BSN: variants seen among roughly 807,000 people sequenced by gnomAD.
BSN encodes protein bassoon.
BSN carries 57 observed loss-of-function variants against 264.8 expected under a neutral mutation model. That is an observed-to-expected ratio of 0.22 (90% CI 0.17 to 0.27). The LOEUF (loss-of-function observed/expected upper bound fraction) is 0.27, where lower values mean the gene tolerates loss of function less well. Ranked by LOEUF, BSN falls within the 10% of genes least tolerant of loss-of-function variation. The pLI, the probability that BSN is intolerant of heterozygous loss-of-function variation, is 1.00. For synonymous variants in BSN, 2,059 were observed against 2,137.3 expected (o/e 0.96, Z 1.01); for missense variants, 4,615 against 5,232.5 (o/e 0.88, Z 3.64).
chr3:49,650,691 C>A lies in BSN; in HGVS notation c.1598C>A (p.Pro533Gln). 6.2e-7 allele frequency: 1 copy of A among 1,610,306 alleles called. No homozygotes were observed. The highest frequency in any genetic ancestry group is 2.2e-5 in the East Asian group (1 of 44,876). ...GSLGEPTPLP[P>Q]PTSQQPPVGA... ...CTAGGAGAGCCGACCCCCCTGCCGCCGCCCACCTCACAGCAGCCCCCTGTA... is the reference window on the plus strand; with the variant it reads ...CTAGGAGAGCCGACCCCCCTGCCGCAGCCCACCTCACAGCAGCCCCCTGTA... The change falls in exon 4 of 12, where the codon CCG (proline) becomes CAG (glutamine). Residue 533 changes from proline to glutamine, a missense_variant. Pro to Gln is a moderately conservative substitution (Grantham distance 76). This residue lies in a region of BSN where 1,197 missense variants were observed against 1,348.0 expected (regional missense o/e 0.89). Transcript: ENST00000296452.
At chr3:49,639,006 C>G (rs2052440669) in intron 2 of BSN, among the ~76,000 whole-genome samples, 1 of 152,124 alleles carries the variant, frequency 6.6e-6, no homozygotes. Flanking sequence ...AATCCCCTTC[C>G]AGGGTCCCTC....
At chr3:49,596,431 A>G (rs1219384575) in intron 1 of BSN, among the ~76,000 whole-genome samples, 2 of 152,198 alleles carry the variant, frequency 1.3e-5, no homozygotes, top group African/African-American at 2.4e-5. Context: ...AATGGTGGCT[A>G]TAGTTTTTTT....
At chr3:49,586,274 G>A (rs747383582) in intron 1 of BSN, among the ~76,000 whole-genome samples, 9 of 152,104 alleles carry the variant, frequency 5.9e-5, no homozygotes, top group Non-Finnish European at 1.0e-4. Context: ...TATATGATGA[G>A]AGATAGGGGT....
intron 1 of BSN, among the ~76,000 whole-genome samples, chr3:49,605,855 AAT>A (rs1191672603): frequency 1.3e-5 from 1 of 75,222 alleles, no homozygotes; most frequent in Non-Finnish European, 2.3e-5. Context: ...ATTTATATAT[AAT>A]ATATTTATAT....
At position 49,625,311 on chromosome 3, in the gene BSN, C is replaced by T; in HGVS notation, c.561C>T (p.Phe187=). 1 of 1,597,822 alleles carries T rather than the reference C, an allele frequency of 6.3e-7. No homozygotes were observed. The highest frequency in any genetic ancestry group is 8.5e-7 in the Non-Finnish European group (1 of 1,172,006). ...CGTCGACCCCCAGCCAGCCAAACTT[C>T]AACACCTGCACCCAGTGTCACAACA... ...DLTSTPSQPN[F]NTCTQCHNKV... The change falls in exon 2 of 12, where the codon TTC becomes TTT. Residue 187 remains phenylalanine, a synonymous_variant. Transcript: ENST00000296452. This position sits in a 1 kb window ranked among gnomAD's most constrained non-coding sequence, Gnocchi z 4.4.
chr3:49,568,436 A>G (rs970436052), intron 1 of BSN, among the ~76,000 whole-genome samples: 5 of 152,096 alleles, frequency 3.3e-5, no homozygotes, highest in Admixed American at 1.3e-4. Context: ...TGTTCCCTCT[A>G]CTTTATTCTC....
intron 1 of BSN, among the ~76,000 whole-genome samples, chr3:49,595,576 T>A (rs530253590): frequency 6.6e-6 from 1 of 152,178 alleles, no homozygotes; most frequent in South Asian, 2.1e-4. Context: ...ACCGCAGCCT[T>A]GAACTCCTGG....
rs905914250 is a variant in BSN at position 49,652,629 on chromosome 3, G to A, written c.3073G>A (p.Ala1025Thr). 1 of 1,611,952 alleles carries A rather than the reference G, an allele frequency of 6.2e-7. No homozygotes were observed. The highest frequency in any genetic ancestry group is 1.7e-4 in the Middle Eastern group (1 of 6,042). Reference protein sequence around the residue: ...RLEEAKQQRKARHRSHGPLLP... With the variant: ...RLEEAKQQRKTRHRSHGPLLP... ...AGAAGAAGCAAAGCAGCAGCGCAAGGCCCGGCACCGCTCCCACGGGCCCCT... is the reference window on the plus strand; with the variant it reads ...AGAAGAAGCAAAGCAGCAGCGCAAGACCCGGCACCGCTCCCACGGGCCCCT... Residue 1025 changes from alanine to threonine, a missense_variant, in exon 5 of 12, where the codon GCC (alanine) becomes ACC (threonine). By Grantham distance (58) the Ala-to-Thr change is moderately conservative. Coordinates refer to ENST00000296452, the MANE Select transcript of BSN (RefSeq NM_003458.4).
At chr3:49,605,911 G>GATATAAATATATTTATGTCT (rs1433334537) in intron 1 of BSN, among the ~76,000 whole-genome samples, 2 of 5,090 alleles carry the variant, frequency 3.9e-4, no homozygotes, top group Non-Finnish European at 3.5e-4. Context: ...TATATAAATA[G>GATATAAATATATTTATGTCT]ATATAAATAG....
intron 2 of BSN, among the ~76,000 whole-genome samples, chr3:49,629,522 C>T (rs1304237673): frequency 6.6e-6 from 1 of 152,254 alleles, no homozygotes; most frequent in Non-Finnish European, 1.5e-5. Context: ...ATAGGCTTCT[C>T]AGGGACTTCC....
In BSN at chr3:49,663,579, C is replaced by T. The variant is rs1219501375; in HGVS notation, c.11421C>T (p.Thr3807=). ...TGCAGCAACAGAGCCAGCCAACCACCCGGGGCTCAGCCCCTGCTGCCAGCC... is the reference window on the plus strand; with the variant it reads ...TGCAGCAACAGAGCCAGCCAACCACTCGGGGCTCAGCCCCTGCTGCCAGCC... The part of the protein sequence containing the change: ...ARLQQQSQPT[T]RGSAPAASQP... The change falls in exon 7 of 12, where the codon ACC becomes ACT. Residue 3807 remains threonine (T), a synonymous_variant. Coordinates refer to ENST00000296452, the MANE Select transcript of BSN (RefSeq NM_003458.4). 2 of 1,606,404 alleles carry T rather than the reference C, an allele frequency of 1.2e-6. No individual in the cohort carries two copies.
Position 49,656,239 on chromosome 3 carries a change from A to T in BSN, c.6683A>T (p.Tyr2228Phe). 1 of 1,611,504 alleles carries T rather than the reference A, an allele frequency of 6.2e-7. No homozygotes were observed. Among genetic ancestry groups the T allele is most frequent in the Non-Finnish European group, 8.5e-7 (1 of 1,178,962 alleles). Reference sequence around the variant, plus strand: ...GTGCGTGGTGGCATGTACAGGCCTTACGCATCTGGTGGAATCACAGCCGTG... The same window carrying T: ...GTGCGTGGTGGCATGTACAGGCCTTTCGCATCTGGTGGAATCACAGCCGTG... Reference protein sequence around the residue: ...PMVRGGMYRPYASGGITAVPL... With the variant: ...PMVRGGMYRPFASGGITAVPL... The change falls in exon 5 of 12, where the codon TAC becomes TTC. Residue 2228 changes from tyrosine (Y) to phenylalanine (F), a missense_variant. Coordinates refer to ENST00000296452, the MANE Select transcript of BSN (RefSeq NM_003458.4).
At chr3:49,595,194 T>TC (rs1401304943) in intron 1 of BSN, among the ~76,000 whole-genome samples, 1,407 of 127,444 alleles carry the variant, frequency 0.011, 33 homozygotes, top group African/African-American at 0.034. Flanking sequence ...TGGCCACAAT[T>TC]TTTTTTTTTT....
At position 49,655,462 on chromosome 3, in the gene BSN, A is replaced by C; in HGVS notation, c.5906A>C (p.Gln1969Pro). 2 of 1,580,152 alleles carry C rather than the reference A, an allele frequency of 1.3e-6. No homozygotes were observed. Among genetic ancestry groups the C allele is most frequent in the Non-Finnish European group, 8.6e-7 (1 of 1,161,666 alleles). ...GVVGPGPHEE[Q>P]RPYPQGLPGR... is the part of the protein sequence containing the mutation. ...GTGGGGCCTGGGCCCCATGAGGAGC[A>C]GAGGCCCTACCCACAAGGCCTGCCT... The change falls in exon 5 of 12, where the codon CAG becomes CCG. Residue 1969 changes from glutamine to proline, a missense_variant. Physicochemically the swap from Gln to Pro is moderately conservative, Grantham distance 76. This residue lies in a region of BSN where 3,415 missense variants were observed against 3,866.4 expected (regional missense o/e 0.88). Transcript: ENST00000296452.
intron 1 of BSN, among the ~76,000 whole-genome samples, chr3:49,576,171 CTA>C (rs2051844458): frequency 6.6e-6 from 1 of 151,872 alleles, no homozygotes; most frequent in African/African-American, 2.4e-5. Flanking sequence ...AAGTAAACCA[CTA>C]TATCTTCTGT....
chr3:49,651,809 C>G lies in BSN; in HGVS notation c.2253C>G (p.Ser751Arg). Residue 751 changes from serine (S) to arginine (R), a missense_variant, in exon 5 of 12, where the codon AGC (serine) becomes AGG (arginine). Around this residue, in one of 3 missense-constraint regions of BSN, gnomAD observed 1,197 missense variants for 1,348.0 expected, o/e 0.89. Coordinates refer to ENST00000296452, the MANE Select transcript of BSN (RefSeq NM_003458.4). The surrounding 1 kb of genome is among the most constrained non-coding windows in gnomAD (Gnocchi z 5.4). ...GTGAGCGGAGCAAGCCACTCTCCAGCGGTACTGGCGAGGAGCAGAAGCAGC... is the reference window on the plus strand; with the variant it reads ...GTGAGCGGAGCAAGCCACTCTCCAGGGGTACTGGCGAGGAGCAGAAGCAGC... ...APSERSKPLS[S>R]GTGEEQKQRP... is the part of the protein sequence containing the mutation. 9.3e-6 allele frequency: 15 copies of G among 1,613,792 alleles called. No homozygotes were observed. Among genetic ancestry groups the G allele is most frequent in the Non-Finnish European group, 1.3e-5 (15 of 1,180,028 alleles).
chr3:49,619,924 G>GGCTCACGCCTGGAATCCCCGCACTT (rs1248882630), intron 1 of BSN, among the ~76,000 whole-genome samples: 1 of 152,188 alleles, frequency 6.6e-6, no homozygotes, highest in African/African-American at 2.4e-5. Context: ...GCCAGGCACT[G>GGCTCACGCCTGGAATCCCCGCACTT]TGGTAGGCCC....
Position 49,625,924 on chromosome 3 carries a change from C to A in BSN, c.633+541C>A, listed in dbSNP as rs1185219239. Among the ~76,000 whole-genome samples, 2 of 152,190 alleles carry A rather than the reference C, an allele frequency of 1.3e-5. No homozygotes were observed. Among genetic ancestry groups the A allele is most frequent in the Admixed American group, 6.5e-5 (1 of 15,282 alleles). ...GCTTTAGTTCTAGTCAGCTGGGGAC[C>A]TGAGGTGGTGGGGCAGCTACCCCAT... On this transcript the variant is annotated intron_variant, in intron 2 of 11. Transcript: ENST00000296452. This position sits in a 1 kb window ranked among gnomAD's most constrained non-coding sequence, Gnocchi z 4.4.
At chr3:49,606,181 A>G (rs1362251990) in intron 1 of BSN, among the ~76,000 whole-genome samples, 1 of 6,806 alleles carries the variant, frequency 1.5e-4, no homozygotes, top group Non-Finnish European at 2.5e-4. Flanking sequence ...TTATATATGT[A>G]TATATATTAT....
Sources: allele counts gnomAD v4.1 joint callset (sites outside exome capture counted in the v4.1 genomes callset), GRCh38; gene constraint gnomAD v4.1.1; regional missense constraint gnomAD v4.1.1; non-coding constraint Gnocchi (gnomAD v3.1); transcripts MANE v1.5; gene names NCBI Gene and HGNC (gene_info 2026-07-23, HGNC 2026-07-21).